ECI2: variants seen among roughly 807,000 people sequenced by gnomAD.
The protein encoded by ECI2 is D3,D2-enoyl-CoA isomerase.
A neutral mutation model predicts 38.4 loss-of-function variants in ECI2; 27 were observed. The ratio of observed to expected loss-of-function variants is 0.70; its 90% confidence interval spans 0.52 to 0.97. ECI2 has a LOEUF of 0.97. Among genes scored for constraint, ECI2 ranks in the 50% least tolerant of loss-of-function variants. The probability of loss-of-function intolerance (pLI) is 0.00; values close to 1 mark genes in which losing one functional copy is unlikely to be tolerated. For missense variants in ECI2, 470 were observed against 474.4 expected, an observed-to-expected ratio of 0.99 and a Z score of 0.09; for synonymous variants, 168 against 172.0, an observed-to-expected ratio of 0.98 and a Z score of 0.18.
rs537328199 is a variant in ECI2 at position 4,125,530 on chromosome 6, C to T, written c.675-160G>A. ...TTGTCCTGCCACTTCCCTGGTCTTC[C>T]GCACCAGATTCATCCAGGGCATCCG... is the stretch of plus-strand genomic sequence containing the variant. On this transcript the variant is annotated intron_variant, in intron 6 of 9. Coordinates refer to ENST00000380118, the MANE Select transcript of ECI2 (RefSeq NM_206836.3). The T allele has an allele frequency of 2.3e-4, 234 of 1,022,992 alleles. No individual in the cohort carries two copies. The African/African-American group carries it at 2.8e-3, about 12-fold the overall frequency. The allele number at this position is 1,022,992 out of a possible 1,614,324, so 63.4% of individuals were successfully genotyped here. A position where few individuals can be genotyped will look rare whatever the true frequency, so the allele number is the denominator to read the frequency against.
chr6:4,132,061 C>T (rs541346380), intron 2 of ECI2, among the ~76,000 whole-genome samples: 25 of 152,146 alleles, frequency 1.6e-4, no homozygotes, highest in Non-Finnish European at 3.5e-4. Context: ...TGGAGGGCAC[C>T]CAGGACCACC....
In ECI2 at chr6:4,116,351, A is replaced by C. The variant is rs548101771; in HGVS notation, c.1030-322T>G. Among the ~76,000 whole-genome samples, 27 of 152,164 alleles carry C rather than the reference A, an allele frequency of 1.8e-4. No homozygotes were observed. In the South Asian group the frequency reaches 5.6e-3, roughly 32 times the overall value. On this transcript the variant is annotated intron_variant, in intron 9 of 9. Transcript: ENST00000380118. ...GGGTGACAAGTGAGACTCTGTCTCA[A>C]AAAGAAAAAAAGAGTTAATCTAATA...
rs747764828 is a variant in ECI2, at chr6:4,135,529, G to A, written c.32C>T (p.Ala11Val). The A allele has an allele frequency of 5.8e-6, 9 of 1,560,494 alleles. No homozygotes were observed. The South Asian group carries it at 8.8e-5, about 15-fold the overall frequency. The change falls in exon 1 of 10, where the codon GCG becomes GTG. Residue 11 changes from alanine to valine, a missense_variant. Coordinates refer to ENST00000380118, the MANE Select transcript of ECI2 (RefSeq NM_206836.3). MAMAYLAWRL[A>V]RRSCPSSLQV... ...AGCTTACCTCGGACACGAACGCCGC[G>A]CCAGTCTCCAAGCCAAGTACGCCAT...
chr6:4,134,168 G>A (rs1465672639), intron 1 of ECI2, among the ~76,000 whole-genome samples: 2 of 152,214 alleles, frequency 1.3e-5, no homozygotes, highest in Non-Finnish European at 2.9e-5. Flanking sequence ...CTCTTTGCTG[G>A]CGAAGCTGGT....
At position 4,135,482 on chromosome 6, in the gene ECI2, G is replaced by A. The variant is rs6910963; in HGVS notation, c.50+29C>T. 6,216 of 1,612,046 alleles carry A rather than the reference G, an allele frequency of 3.9e-3. 179 individuals carry two copies. The African/African-American group carries it at 0.072, about 19-fold the overall frequency. On this transcript the variant is annotated intron_variant, in intron 1 of 9. Transcript: ENST00000380118. ...ACAGCGGTATCCTGCGGGCGACCAT[G>A]GGCCGAACGGCCGGGACTCCAAGCT...
At position 4,127,804 on chromosome 6, in the gene ECI2, T is replaced by TA; in HGVS notation, c.528dup (p.Lys177Ter). ...ATTGAGTCATCCTTGCTGGCAGCTT[T>TA]AAGTGCACGCATAATTTCATGATAC... On this transcript the variant is annotated frameshift_variant, in exon 5 of 10. Transcript: ENST00000380118. LOFTEE classifies it high-confidence loss of function. 6.2e-7 allele frequency: 1 copy of TA among 1,613,424 alleles called. No individual in the cohort carries two copies. The highest frequency in any genetic ancestry group is 8.5e-7 in the Non-Finnish European group (1 of 1,179,738).
intron 4 of ECI2, chr6:4,130,113 T>C: frequency 6.2e-7 from 1 of 1,612,448 alleles, no homozygotes; most frequent in East Asian, 2.2e-5. Flanking sequence ...GTTTCATTTA[T>C]ATTCATTTAT....
chr6:4,128,079 T>C (rs9502122), intron 4 of ECI2, among the ~76,000 whole-genome samples: 2,055 of 152,306 alleles, frequency 0.013, 48 homozygotes, highest in African/African-American at 0.047. Context: ...CCACTTTTTT[T>C]CCAAAAGGGA....
intron 8 of ECI2, chr6:4,117,674 C>T (rs1772373723): frequency 4.4e-6 from 2 of 454,536 alleles, no homozygotes; most frequent in East Asian, 3.7e-5. Flanking sequence ...TTCTGTGTAT[C>T]GTTGTTGGAG....
In ECI2 at chr6:4,115,921, A is replaced by G. The variant is rs1202363976; in HGVS notation, c.1138T>C (p.Cys380Arg). 3 of 1,614,180 alleles carry G rather than the reference A, an allele frequency of 1.9e-6. No individual in the cohort carries two copies. The highest frequency in any genetic ancestry group is 1.6e-4 in the Middle Eastern group (1 of 6,062). ...AAGAAGTTCACCACAGCATTTGTGC[A>G]TTCATCTGATAGCCATCTTCCCTGA... ...VLQGRWLSDE[C>R]TNAVVNFLSR... is the part of the protein sequence containing the mutation. The change falls in exon 10 of 10, where the codon TGC becomes CGC. Residue 380 changes from cysteine to arginine, a missense_variant. Cys to Arg is a radical substitution (Grantham distance 180, BLOSUM62 -3). Coordinates refer to ENST00000380118, the MANE Select transcript of ECI2 (RefSeq NM_206836.3).
intron 2 of ECI2, 99 bp from the exon 3 acceptor site, chr6:4,130,964 C>T: frequency 2.7e-6 from 3 of 1,125,266 alleles, no homozygotes; most frequent in Non-Finnish European, 3.9e-6. Context: ...AATGCCTCCC[C>T]CAAATCCTTT....
chr6:4,117,251 A>G (rs1043229297), intron 9 of ECI2, 57 bp downstream of exon 9: 12 of 1,536,628 alleles, frequency 7.8e-6, no homozygotes, highest in Non-Finnish European at 9.6e-6. Flanking sequence ...AGGCAAATAA[A>G]TTTTTCCCTT....
intron 8 of ECI2, 200 bp from the exon 9 acceptor site, chr6:4,117,651 T>TA: frequency 1.8e-6 from 1 of 569,208 alleles, no homozygotes; most frequent in East Asian, 3.2e-5. Context: ...GGAAGGTCTA[T>TA]AAGGGCTGCT....
rs1773662532 is a variant in ECI2, at chr6:4,135,052, G to C, written c.50+459C>G. 1.1e-5 allele frequency: 5 copies of C among 452,710 alleles called. No homozygotes were observed. The Admixed American group carries it at 1.2e-4, about 11-fold the overall frequency. The allele number at this position is 452,710 out of a possible 1,614,324, so 28.0% of individuals were successfully genotyped here. ...CTGTACCCGGCCATTTCACTTTATAGCATACGTGTTCTCCAAGAAGCAGAG... is the reference window on the plus strand; with the variant it reads ...CTGTACCCGGCCATTTCACTTTATACCATACGTGTTCTCCAAGAAGCAGAG... On this transcript the variant is annotated intron_variant, in intron 1 of 9. Transcript: ENST00000380118.
intron 2 of ECI2, among the ~76,000 whole-genome samples, chr6:4,133,041 G>A (rs954965455): frequency 6.6e-6 from 1 of 152,180 alleles, no homozygotes; most frequent in Admixed American, 6.5e-5. Context: ...TGGGATTACA[G>A]GCGTGAGCCA....
At chr6:4,117,538 T>A (rs1772362944) in intron 8 of ECI2, 87 bp from the exon 9 acceptor site, 2 of 1,524,312 alleles carry the variant, frequency 1.3e-6, no homozygotes, top group Admixed American at 4.3e-5. Context: ...CTTAGAGAGA[T>A]GTACTCATGG....
In ECI2 at chr6:4,130,542, A is replaced by C; in HGVS notation, c.331T>G (p.Tyr111Asp). ...SLPKEAARQN[Y>D]VDLVSSLSPS... ...CTCAAACTGGACACCAAATCCACAT[A>C]GTTCTGCCTGGCAGCTTCCTGAACG... The change falls in exon 4 of 10, where the codon TAT becomes GAT. Residue 111 changes from tyrosine to aspartate, a missense_variant. By Grantham distance (160) the Tyr-to-Asp change is radical. Transcript: ENST00000380118. The C allele has an allele frequency of 6.2e-7, 1 of 1,614,254 alleles. No individual in the cohort carries two copies. Among genetic ancestry groups the C allele is most frequent in the South Asian group, 1.1e-5 (1 of 91,090 alleles).
At chr6:4,127,854 A>G in intron 4 of ECI2, 23 bp from the exon 5 acceptor site, 1 of 1,601,462 alleles carries the variant, frequency 6.2e-7, no homozygotes. Flanking sequence ...AAGACAAGGA[A>G]AAGAAAAGAA....
At chr6:4,131,724 G>A (rs34094324) in intron 2 of ECI2, among the ~76,000 whole-genome samples, 19,049 of 151,982 alleles carry the variant, frequency 0.13, 1,617 homozygotes, top group African/African-American at 0.24. Flanking sequence ...AGGCATGGTG[G>A]CAGGTTCCTG....
Sources: allele counts gnomAD v4.1 joint callset (sites outside exome capture counted in the v4.1 genomes callset), GRCh38; gene constraint gnomAD v4.1.1; transcripts MANE v1.5; gene names NCBI Gene and HGNC (gene_info 2026-07-23, HGNC 2026-07-21).